Variants in DUOX2 observed in about 807,000 individuals in gnomAD.
DUOX2 encodes dual oxidase 2.
Under a neutral mutation model 183.3 loss-of-function variants are expected in DUOX2, and 185 were observed. The observed-to-expected ratio is 1.01, with a 90% CI of 0.90 to 1.14. DUOX2 has a LOEUF of 1.14. Among genes scored for constraint, DUOX2 ranks in the 50% most tolerant of loss-of-function variants. The probability of loss-of-function intolerance (pLI) is 0.00; values close to 1 mark genes in which losing one functional copy is unlikely to be tolerated. For synonymous variants in DUOX2, 788 were observed against 812.4 expected (o/e 0.97, Z 0.51); for missense variants, 1,999 against 2,022.9 (o/e 0.99, Z 0.23).
At position 45,094,034 on chromosome 15, in the gene DUOX2, C is replaced by T; in HGVS notation, c.*116G>A. 1 of 1,398,176 alleles carries T rather than the reference C, an allele frequency of 7.2e-7. No homozygotes were observed. Among genetic ancestry groups the T allele is most frequent in the South Asian group, 1.2e-5 (1 of 85,910 alleles). The allele number at this position is 1,398,176 out of a possible 1,614,324, so 86.6% of individuals were successfully genotyped here. ...CCCAATATTGGGAGGGGCTCTGCAG[C>T]CCTCCAGCTGAGGCCTAAGGTGGAT... On this transcript the variant is annotated 3_prime_UTR_variant, in exon 34 of 34. Transcript: ENST00000389039.
rs1213309478 is a variant in DUOX2, at chr15:45,095,511, C to T, written c.4165G>A (p.Val1389Ile). The part of the protein sequence containing the change: ...VSVLVGGGIG[V>I]TPFASILKDL... ...TTGAGGATGGAGGCAAAGGGGGTGA[C>T]CCCAATGCCCCCTCCCACCAACACT... Residue 1389 changes from valine to isoleucine, a missense_variant, in exon 31 of 34, where the codon GTC (valine) becomes ATC (isoleucine). Physicochemically the swap from Val to Ile is conservative, Grantham distance 29. Transcript: ENST00000389039. 3 of 1,614,192 alleles carry T rather than the reference C, an allele frequency of 1.9e-6. No homozygotes were observed. Among genetic ancestry groups the T allele is most frequent in the Non-Finnish European group, 2.5e-6 (3 of 1,180,026 alleles).
intron 3 of DUOX2, 50 bp downstream of exon 3, chr15:45,112,937 C>T (rs377262447): frequency 1.9e-6 from 3 of 1,597,740 alleles, no homozygotes; most frequent in African/African-American, 1.3e-5. Flanking sequence ...TTTCGCGCCC[C>T]GGCCCTTCGC....
intron 12 of DUOX2, 168 bp downstream of exon 12, chr15:45,108,621 C>A: frequency 1.3e-6 from 1 of 774,216 alleles, no homozygotes; most frequent in South Asian, 1.7e-5. Flanking sequence ...GAATTTAAGT[C>A]CCTCCTCTAT....
Position 45,095,005 on chromosome 15 carries a change from C to T in DUOX2, c.4326G>A (p.Gln1442=), listed in dbSNP as rs1388868629. ...CATAAATGTGCACAGACACCAGGTC[C>T]TGGTGGTCGTTCTCCTCCACCTCTT... ...IIQEVEENDH[Q]DLVSVHIYVT... is the part of the protein sequence containing the mutation. Residue 1442 remains glutamine, a synonymous_variant, in exon 32 of 34, where the codon CAG becomes CAA. Coordinates refer to ENST00000389039, the MANE Select transcript of DUOX2 (RefSeq NM_001363711.2). 20 of 1,614,224 alleles carry T rather than the reference C, an allele frequency of 1.2e-5. No homozygotes were observed. The highest frequency in any genetic ancestry group is 1.6e-5 in the Non-Finnish European group (19 of 1,180,030).
chr15:45,099,377 A>G lies in DUOX2; in HGVS notation c.3515+6T>C, dbSNP rs1894000002. 2 of 1,613,018 alleles carry G rather than the reference A, an allele frequency of 1.2e-6. No homozygotes were observed. Among genetic ancestry groups the G allele is most frequent in the Admixed American group, 1.7e-5 (1 of 60,002 alleles). ...AGTCCCAGGAGAAACCATCCCCAGA[A>G]CTGACCCATCATTCACAAAGACGTT... On this transcript the variant is annotated splice_donor_region_variant and intron_variant, in intron 26 of 33. Coordinates refer to ENST00000389039, the MANE Select transcript of DUOX2 (RefSeq NM_001363711.2).
At position 45,099,278 on chromosome 15, in the gene DUOX2, G is replaced by A. The variant is rs1302179508; in HGVS notation, c.3515+105C>T. On this transcript the variant is annotated intron_variant, in intron 26 of 33. Transcript: ENST00000389039. ...GCCCACCTCGGCCTCCCAAAGTGCT[G>A]GGATTACAGGCGTGAGCCACCGCGC... The A allele has an allele frequency of 7.2e-6, 7 of 971,980 alleles. No homozygotes were observed. The East Asian group carries it at 1.3e-4, about 19-fold the overall frequency. 60.2% of individuals were successfully genotyped at this position (971,980 alleles called of 1,614,324 possible).
At chr15:45,101,531 T>A in intron 21 of DUOX2, 1 of 626,278 alleles carries the variant, frequency 1.6e-6, no homozygotes, top group Non-Finnish European at 2.8e-6. Context: ...CCTCTTCCTC[T>A]GGCCAGATAC....
chr15:45,112,041 G>A, intron 4 of DUOX2, 86 bp from the exon 5 acceptor site: 1 of 1,527,832 alleles, frequency 6.5e-7, no homozygotes, highest in South Asian at 1.2e-5. Flanking sequence ...GTCCTCAGGA[G>A]CCAAAAGACA....
intron 16 of DUOX2, 70 bp downstream of exon 16, chr15:45,106,457 GT>G: frequency 6.3e-7 from 1 of 1,593,890 alleles, no homozygotes; most frequent in Non-Finnish European, 8.6e-7. Flanking sequence ...CTGTAACTTG[GT>G]TCTTTCTCCC....
At position 45,104,055 on chromosome 15, in the gene DUOX2, T is replaced by C; in HGVS notation, c.2561-2A>G. The C allele has an allele frequency of 6.2e-7, 1 of 1,614,050 alleles. No homozygotes were observed. The highest frequency in any genetic ancestry group is 1.1e-5 in the South Asian group (1 of 91,068). Reference sequence around the variant, plus strand: ...GACGGGACTTATCCTCTGGGGAGCCTGGGAAGAAAAAAGGGAATGCAGGTC... The same window carrying C: ...GACGGGACTTATCCTCTGGGGAGCCCGGGAAGAAAAAAGGGAATGCAGGTC... On this transcript the variant is annotated splice_acceptor_variant, in intron 19 of 33. Transcript: ENST00000389039. LOFTEE classifies it high-confidence loss of function.
intron 32 of DUOX2, 30 bp from the exon 33 acceptor site, chr15:45,094,721 G>A (rs1893856692): frequency 5.0e-6 from 8 of 1,613,046 alleles, no homozygotes; most frequent in Admixed American, 3.3e-5. Context: ...TCAGACCAAA[G>A]ACAGTCAGGG....
chr15:45,112,973 C>T lies in DUOX2; in HGVS notation c.160+14G>A, dbSNP rs1292440060. On this transcript the variant is annotated intron_variant, in intron 3 of 33. Transcript: ENST00000389039. ...GAGCCACGGCCCCAGCACGCCCGGG[C>T]CCCCAGAACGCACCAACAGCACCAC... 2 of 1,612,570 alleles carry T rather than the reference C, an allele frequency of 1.2e-6. No homozygotes were observed. The highest frequency in any genetic ancestry group is 1.7e-6 in the Non-Finnish European group (2 of 1,179,302).
Position 45,104,051 on chromosome 15 carries a change from A to G in DUOX2, c.2563T>C (p.Ser855Pro). The G allele has an allele frequency of 1.2e-6, 2 of 1,614,088 alleles. No individual in the cohort carries two copies. The highest frequency in any genetic ancestry group is 2.2e-5 in the East Asian group (1 of 44,878). ...ATTAGACGGGACTTATCCTCTGGGG[A>G]GCCTGGGAAGAAAAAAGGGAATGCA... ...LDILVVFMKG[S>P]PEDKSRLMFT... The change falls in exon 20 of 34, where the codon TCC (serine) becomes CCC (proline). Residue 855 changes from serine (S) to proline (P), a missense_variant and splice_region_variant. Ser to Pro is a moderately conservative substitution (Grantham distance 74). This residue lies in a region of DUOX2 where 1,628 missense variants were observed against 1,608.6 expected (regional missense o/e 1.01). Coordinates refer to ENST00000389039, the MANE Select transcript of DUOX2 (RefSeq NM_001363711.2).
At position 45,109,944 on chromosome 15, in the gene DUOX2, C is replaced by G; in HGVS notation, c.1077G>C (p.Lys359Asn). 6.2e-7 allele frequency: 1 copy of G among 1,614,092 alleles called. No individual in the cohort carries two copies. The highest frequency in any genetic ancestry group is 1.1e-5 in the South Asian group (1 of 91,086). Residue 359 changes from lysine (K) to asparagine (N), a missense_variant, in exon 10 of 34, where the codon AAG becomes AAC. This residue lies in a region of DUOX2 where 1,628 missense variants were observed against 1,608.6 expected (regional missense o/e 1.01). Transcript: ENST00000389039. ...ASCHFRKVLN[K>N]GFQSSQALRV... ...TGAGAGCTTGGGAGCTTTGAAAACC[C>G]TTGTTCAGGACCTTCCGGAAATGAC...
At chr15:45,113,505 T>A in intron 1 of DUOX2, 80 bp from the exon 2 acceptor site, 1 of 1,101,752 alleles carries the variant, frequency 9.1e-7, no homozygotes, top group Non-Finnish European at 1.3e-6. Context: ...CTCTTGTTCC[T>A]ACAGCTAGTA....
intron 4 of DUOX2, among the ~76,000 whole-genome samples, chr15:45,112,345 C>A (rs1894450590): frequency 6.6e-6 from 1 of 152,048 alleles, no homozygotes; most frequent in South Asian, 2.1e-4. Context: ...TGGAATAAGG[C>A]GTAAGAGAAA....
intron 23 of DUOX2, 121 bp from the exon 24 acceptor site, chr15:45,100,349 T>A: frequency 1.1e-6 from 1 of 938,374 alleles, no homozygotes; most frequent in Non-Finnish European, 1.6e-6. Context: ...AACAGATGAA[T>A]GGAAAAAAGC....
Position 45,108,128 on chromosome 15 carries a change from G to A in DUOX2, c.1493C>T (p.Pro498Leu). The A allele has an allele frequency of 1.2e-6, 2 of 1,614,156 alleles. No individual in the cohort carries two copies. Among genetic ancestry groups the A allele is most frequent in the Non-Finnish European group, 1.7e-6 (2 of 1,180,008 alleles). Residue 498 changes from proline to leucine, a missense_variant, in exon 13 of 34, where the codon CCC becomes CTC. By Grantham distance (98) the Pro-to-Leu change is moderately conservative. Transcript: ENST00000389039. ...GTCGAGGACAATGGCACTGAACAGG[G>A]GTCCAGGGTCCCCATGGCTCTCCAG... ...GLLESHGDPG[P>L]LFSAIVLDQF...
intron 26 of DUOX2, chr15:45,099,009 C>CTTT (rs1192340218): frequency 7.2e-6 from 2 of 279,700 alleles, no homozygotes; most frequent in East Asian, 8.5e-5. Context: ...CTGCCTATTT[C>CTTT]TTTCTTTTTT....
Sources: gnomAD v4.1 joint callset for allele counts (sites outside exome capture counted in the v4.1 genomes callset) on GRCh38, gnomAD v4.1.1 for gene constraint, gnomAD v4.1.1 regional missense constraint, MANE v1.5 for transcripts, NCBI Gene and HGNC (gene_info 2026-07-23, HGNC 2026-07-21) for gene names.